The following SUCO variants were observed in gnomAD, a reference collection of about 807,000 sequenced individuals.
The protein encoded by SUCO is SUN domain containing ossification factor.
In SUCO, 57 loss-of-function variants were observed where a neutral mutation model predicts 148.1. That is an observed-to-expected ratio of 0.38 (90% CI 0.31 to 0.48). The LOEUF is 0.48. SUCO is among the 20% of genes least tolerant of loss of function. The pLI, the probability that SUCO is intolerant of heterozygous loss-of-function variation, is 0.96. For missense variants in SUCO, 1,331 were observed against 1,468.2 expected (o/e 0.91, Z 1.53); for synonymous variants, 470 against 502.7 (o/e 0.93, Z 0.87).
chr1:172,536,162 A>G (rs932254049), intron 1 of SUCO, among the ~76,000 whole-genome samples: 1 of 152,150 alleles, frequency 6.6e-6, no homozygotes, highest in Non-Finnish European at 1.5e-5. Context: ...TGCATTTTAC[A>G]TGTGAGGAAG....
At chr1:172,576,595 C>T (rs1655457025) in intron 11 of SUCO, among the ~76,000 whole-genome samples, 1 of 151,588 alleles carries the variant, frequency 6.6e-6, no homozygotes, top group Non-Finnish European at 1.5e-5. Context: ...TTATACAGTA[C>T]ACTTTCTTCA....
At position 172,588,790 on chromosome 1, in the gene SUCO, C is replaced by G. The variant is rs769435082; in HGVS notation, c.1689C>G (p.Asp563Glu). Residue 563 changes from aspartate (D) to glutamate (E), a missense_variant, in exon 18 of 24, where the codon GAC (aspartate) becomes GAG (glutamate). Asp to Glu is a conservative substitution (Grantham distance 45, BLOSUM62 2). Around this residue, in one of 3 missense-constraint regions of SUCO, gnomAD observed 992 missense variants for 1,093.5 expected, o/e 0.91. Transcript: ENST00000263688. ...TAACCACTGAAGTACACACACATGA[C>G]ATGGAGCCGTCAACACCAGATACTC... ...EYVTTEVHTH[D>E]MEPSTPDTPK... 1 of 1,559,568 alleles carries G rather than the reference C, an allele frequency of 6.4e-7. No individual in the cohort carries two copies. Among genetic ancestry groups the G allele is most frequent in the South Asian group, 1.2e-5 (1 of 81,606 alleles).
chr1:172,533,861 G>C (rs1019310007), intron 1 of SUCO, among the ~76,000 whole-genome samples: 1 of 152,160 alleles, frequency 6.6e-6, no homozygotes, highest in Non-Finnish European at 1.5e-5. Flanking sequence ...CAGTCTTTGC[G>C]TTCTTAGTGT....
chr1:172,585,337 G>A (rs1159677885), intron 16 of SUCO: 4 of 176,298 alleles, frequency 2.3e-5, no homozygotes, highest in Non-Finnish European at 3.3e-5. Flanking sequence ...AATATTAATA[G>A]CAATGATTTT....
chr1:172,600,738 G>C (rs1657456768), intron 20 of SUCO, among the ~76,000 whole-genome samples: 1 of 151,220 alleles, frequency 6.6e-6, no homozygotes, highest in African/African-American at 2.4e-5. Context: ...GTGTAGGGTG[G>C]TAGCAGTAAG....
chr1:172,543,074 T>C (rs1652604607), intron 1 of SUCO: 3 of 941,722 alleles, frequency 3.2e-6, no homozygotes, highest in Non-Finnish European at 2.5e-6. Flanking sequence ...AGTAGCTTCA[T>C]ACTTGTATGC....
intron 19 of SUCO, among the ~76,000 whole-genome samples, chr1:172,592,261 G>A (rs1656729477): frequency 3.9e-5 from 6 of 152,150 alleles, no homozygotes. Flanking sequence ...CTTTTGCTGT[G>A]CAGAAGCTCT....
intron 1 of SUCO, chr1:172,544,212 G>T: frequency 1.2e-6 from 1 of 800,722 alleles, no homozygotes; most frequent in Non-Finnish European, 1.5e-6. Flanking sequence ...TTATGTTTAA[G>T]AAGCAATTCT....
Position 172,578,254 on chromosome 1 carries a change from GA to G in SUCO, c.1341-43del, listed in dbSNP as rs1655604648. The G allele has an allele frequency of 2.2e-6, 3 of 1,358,546 alleles. No homozygotes were observed. The Admixed American group carries it at 5.0e-5, about 23-fold the overall frequency. 84.2% of individuals were successfully genotyped at this position (1,358,546 alleles called of 1,614,324 possible). On this transcript the variant is annotated intron_variant, in intron 13 of 23. Transcript: ENST00000263688. The stretch of plus-strand genomic sequence containing the variant: ...TTATTGTGAAGAGATTAGTCTTAAC[GA>G]GTGTTTTGTTTTGGAAGTCTTTAAT...
chr1:172,596,822 C>T (rs1048050767), intron 19 of SUCO, among the ~76,000 whole-genome samples: 6 of 152,220 alleles, frequency 3.9e-5, no homozygotes, highest in African/African-American at 9.6e-5. Context: ...AGCTGTCAGA[C>T]GGGGACGTTT....
intron 6 of SUCO, among the ~76,000 whole-genome samples, chr1:172,558,644 G>A (rs1477914585): frequency 1.3e-5 from 2 of 152,062 alleles, no homozygotes; most frequent in African/African-American, 2.4e-5. Flanking sequence ...CTGTTTTGAC[G>A]ATGTTTCTTA....
chr1:172,548,734 C>A (rs1653056136), intron 1 of SUCO, among the ~76,000 whole-genome samples: 1 of 151,886 alleles, frequency 6.6e-6, no homozygotes, highest in Non-Finnish European at 1.5e-5. Context: ...TCTTTTAGAG[C>A]TTGAGTTTTT....
intron 6 of SUCO, among the ~76,000 whole-genome samples, chr1:172,564,761 A>C (rs1300769264): frequency 6.6e-6 from 1 of 152,120 alleles, no homozygotes; most frequent in Non-Finnish European, 1.5e-5. Flanking sequence ...CCCTCATATA[A>C]AATTACTCTT....
chr1:172,556,100 C>T, intron 4 of SUCO, 77 bp downstream of exon 4: 3 of 1,155,700 alleles, frequency 2.6e-6, no homozygotes, highest in Non-Finnish European at 3.7e-6. Context: ...AAAGATAAAG[C>T]AGCTTGATAC....
intron 22 of SUCO, among the ~76,000 whole-genome samples, chr1:172,603,781 G>C (rs149340498): frequency 1.3e-3 from 195 of 152,058 alleles, no homozygotes; most frequent in African/African-American, 4.6e-3. Context: ...TCCTTTCCCA[G>C]AGTAGCCAGT....
chr1:172,535,611 C>T (rs1387828583), intron 1 of SUCO, among the ~76,000 whole-genome samples: 1 of 152,172 alleles, frequency 6.6e-6, no homozygotes, highest in Admixed American at 6.5e-5. Flanking sequence ...ACAGAAATGG[C>T]TACCAACAAG....
chr1:172,582,731 A>G (rs929048242), intron 15 of SUCO, among the ~76,000 whole-genome samples: 2 of 152,288 alleles, frequency 1.3e-5, no homozygotes, highest in South Asian at 4.1e-4. Flanking sequence ...AAGACAAAAA[A>G]GATACATTAG....
intron 1 of SUCO, among the ~76,000 whole-genome samples, chr1:172,533,824 GGTAA>G (rs1651807778): frequency 6.6e-6 from 1 of 152,126 alleles, no homozygotes; most frequent in Non-Finnish European, 1.5e-5. Context: ...TCAGATTGAT[GGTAA>G]GTAAGTTGCT....
intron 20 of SUCO, among the ~76,000 whole-genome samples, chr1:172,600,443 C>T (rs1362067640): frequency 4.6e-5 from 7 of 152,082 alleles, no homozygotes; most frequent in African/African-American, 7.2e-5. Context: ...AGTAGCAACA[C>T]GTACTTCATT....
Sources: allele counts gnomAD v4.1 joint callset (sites outside exome capture counted in the v4.1 genomes callset), GRCh38; gene constraint gnomAD v4.1.1; regional missense constraint gnomAD v4.1.1; transcripts MANE v1.5; gene names NCBI Gene and HGNC (gene_info 2026-07-23, HGNC 2026-07-21).